ADAM9: variants seen among roughly 807,000 people sequenced by gnomAD.
ADAM9 encodes disintegrin and metalloproteinase domain-containing protein 9.
In ADAM9, 54 loss-of-function variants were observed where a neutral mutation model predicts 108.1. The observed-to-expected ratio is 0.50, with a 90% CI of 0.40 to 0.63. The LOEUF (loss-of-function observed/expected upper bound fraction) is 0.63, where lower values mean the gene tolerates loss of function less well. Ranked by LOEUF, ADAM9 falls within the 20% of genes least tolerant of loss-of-function variation. The pLI is 0.00. For synonymous variants in ADAM9, 316 were observed against 336.0 expected (o/e 0.94, Z 0.65); for missense variants, 830 against 997.7 (o/e 0.83, Z 2.26).
chr8:39,087,941 A>G (rs1839226965), intron 18 of ADAM9, among the ~76,000 whole-genome samples: 1 of 152,212 alleles, frequency 6.6e-6, no homozygotes, highest in South Asian at 2.1e-4. Context: ...TGATTACCAT[A>G]GATTTTGTCT....
intron 12 of ADAM9, among the ~76,000 whole-genome samples, chr8:39,044,928 G>GTGTGCACACATACATAGGTATGTGTATA (rs1837577652): frequency 1.3e-5 from 2 of 150,362 alleles, no homozygotes; most frequent in Non-Finnish European, 3.0e-5. Context: ...GTATATATGT[G>GTGTGCACACATACATAGGTATGTGTATA]TGTGCACACA....
At chr8:39,051,514 A>G (rs2129438135) in intron 12 of ADAM9, among the ~76,000 whole-genome samples, 1 of 152,304 alleles carries the variant, frequency 6.6e-6, no homozygotes, top group South Asian at 2.1e-4. Context: ...TAGTAATTCT[A>G]CCTTTATGTA....
intron 8 of ADAM9, 133 bp from the exon 9 acceptor site, chr8:39,023,023 T>C (rs944023559): frequency 1.4e-5 from 11 of 801,386 alleles, no homozygotes; most frequent in Non-Finnish European, 1.9e-5. Context: ...CAAAGTCTCA[T>C]TGTATTAAAG....
chr8:39,045,006 CTATG>C (rs1182380110), intron 12 of ADAM9, among the ~76,000 whole-genome samples: 3 of 102,482 alleles, frequency 2.9e-5, no homozygotes, highest in Non-Finnish European at 6.1e-5. Context: ...GCACACATAC[CTATG>C]TATGTGTATG....
At chr8:39,090,292 C>T (rs1463742022) in intron 19 of ADAM9, 104 bp downstream of exon 19, 1 of 984,304 alleles carries the variant, frequency 1.0e-6, no homozygotes, top group African/African-American at 1.6e-5. Context: ...CCTGCCTCAG[C>T]CTTCCAAGTA....
chr8:39,077,141 C>T (rs1838873037), intron 15 of ADAM9, 87 bp from the exon 16 acceptor site: 1 of 1,414,944 alleles, frequency 7.1e-7, no homozygotes, highest in East Asian at 2.3e-5. Context: ...TAGCAGCAAA[C>T]TCTGTCCATA....
chr8:39,044,081 T>G (rs1837536545), intron 12 of ADAM9, among the ~76,000 whole-genome samples: 1 of 152,086 alleles, frequency 6.6e-6, no homozygotes, highest in South Asian at 2.1e-4. Flanking sequence ...GTGTAGAAGG[T>G]TTTTAGTTTG....
intron 2 of ADAM9, among the ~76,000 whole-genome samples, chr8:39,009,798 T>C (rs1394812195): frequency 6.6e-6 from 1 of 151,124 alleles, no homozygotes; most frequent in African/African-American, 2.4e-5. Flanking sequence ...CTAGGCACCA[T>C]TTAGGTATTG....
Position 39,103,744 on chromosome 8 carries a change from T to TA in ADAM9, c.*46dup. 2 of 1,564,276 alleles carry TA rather than the reference T, an allele frequency of 1.3e-6. No individual in the cohort carries two copies. Among genetic ancestry groups the TA allele is most frequent in the Non-Finnish European group, 1.8e-6 (2 of 1,135,684 alleles). On this transcript the variant is annotated 3_prime_UTR_variant, in exon 22 of 22. Coordinates refer to ENST00000487273, the MANE Select transcript of ADAM9 (RefSeq NM_003816.3). ...TGCAAATGTCTTCAGGGAACTGAGC[T>TA]AATACTTTTTTTTTTTCTTGATGTT...
chr8:39,059,929 A>C (rs1026977796), intron 14 of ADAM9, among the ~76,000 whole-genome samples: 27 of 152,212 alleles, frequency 1.8e-4, no homozygotes, highest in Non-Finnish European at 7.3e-5. Context: ...GAGCAGGGGC[A>C]TGTGGGGCAC....
chr8:39,006,088 A>G (rs907339564), intron 1 of ADAM9, among the ~76,000 whole-genome samples: 14 of 152,198 alleles, frequency 9.2e-5, no homozygotes, highest in African/African-American at 3.4e-4. Context: ...AACCTCGTAC[A>G]GGGACTGTGT....
chr8:39,088,043 A>G (rs912184648), intron 18 of ADAM9, among the ~76,000 whole-genome samples: 4 of 152,156 alleles, frequency 2.6e-5, no homozygotes, highest in South Asian at 2.1e-4. Context: ...TATATATACT[A>G]TTCATTAAGT....
At chr8:39,071,879 A>G (rs561350528) in intron 15 of ADAM9, among the ~76,000 whole-genome samples, 1 of 152,344 alleles carries the variant, frequency 6.6e-6, no homozygotes, top group African/African-American at 2.4e-5. Context: ...GGTGTTAGGA[A>G]AAGAACTGGT....
chr8:39,032,790 C>T (rs7835604), intron 11 of ADAM9, among the ~76,000 whole-genome samples: 64,834 of 152,126 alleles, frequency 0.43, 14,641 homozygotes, highest in East Asian at 0.73. Context: ...TGTTCCTATT[C>T]GGCCATCTTG....
At chr8:39,045,437 CGCGTGTGTACACACACCTATATGTGCGT>C (rs1564301853) in intron 12 of ADAM9, among the ~76,000 whole-genome samples, 16 of 104,176 alleles carry the variant, frequency 1.5e-4, no homozygotes, top group South Asian at 3.2e-4. Flanking sequence ...CCTATATGTG[CGCGTGTGTACACACACCTATATGTGCGT>C]GTGTGTACAC....
chr8:39,006,328 A>G (rs780655770), intron 1 of ADAM9, among the ~76,000 whole-genome samples: 3 of 152,108 alleles, frequency 2.0e-5, no homozygotes, highest in Non-Finnish European at 4.4e-5. Context: ...GATATAATTT[A>G]TGGTTTCTTG....
At chr8:39,073,668 A>G (rs1838765928) in intron 15 of ADAM9, among the ~76,000 whole-genome samples, 2 of 152,330 alleles carry the variant, frequency 1.3e-5, no homozygotes, top group South Asian at 4.1e-4. Context: ...AACTGATTTA[A>G]AATCTAGGGA....
At chr8:39,052,475 T>G (rs1406991637) in intron 12 of ADAM9, among the ~76,000 whole-genome samples, 1 of 152,130 alleles carries the variant, frequency 6.6e-6, no homozygotes, top group Non-Finnish European at 1.5e-5. Flanking sequence ...AACTTACTAA[T>G]TTTTTTCCTG....
intron 4 of ADAM9, chr8:39,014,916 G>T (rs1237462848): frequency 4.9e-6 from 1 of 206,090 alleles, no homozygotes; most frequent in African/African-American, 2.3e-5. Flanking sequence ...ATCTTAGTGT[G>T]TTGTTGGTCC....
Sources: gnomAD v4.1 joint callset for allele counts (sites outside exome capture counted in the v4.1 genomes callset) on GRCh38, gnomAD v4.1.1 for gene constraint, MANE v1.5 for transcripts, NCBI Gene and HGNC (gene_info 2026-07-23, HGNC 2026-07-21) for gene names.